COL25A1: variants seen among roughly 807,000 people sequenced by gnomAD.
The protein encoded by COL25A1 is collagen alpha-1(XXV) chain.
In COL25A1, 103 loss-of-function variants were observed where a neutral mutation model predicts 128.4. The ratio of observed to expected loss-of-function variants is 0.80; its 90% CI spans 0.68 to 0.94. The LOEUF (loss-of-function observed/expected upper bound fraction) is 0.94. Ranked by LOEUF, COL25A1 falls within the 40% of genes least tolerant of loss-of-function variation. The probability of loss-of-function intolerance (pLI) is 0.00; values close to 1 mark genes in which losing one functional copy is unlikely to be tolerated. For missense variants in COL25A1, 745 were observed against 840.0 expected (o/e 0.89, Z 1.40); for synonymous variants, 279 against 277.2 (o/e 1.01, Z -0.06).
chr4:108,852,221 T>C lies in COL25A1; in HGVS notation c.1389+15A>G, dbSNP rs1315805941. 2 of 1,600,210 alleles carry C rather than the reference T, an allele frequency of 1.2e-6. No individual in the cohort carries two copies. Among genetic ancestry groups the C allele is most frequent in the Non-Finnish European group, 1.7e-6 (2 of 1,170,390 alleles). The stretch of plus-strand genomic sequence containing the variant: ...ACTGTATGTGATAAATGGAAACAAG[T>C]AAATAAAGAATAACCTTTGGCCCTT... On this transcript the variant is annotated intron_variant, in intron 26 of 37. Coordinates refer to ENST00000399132, the MANE Select transcript of COL25A1 (RefSeq NM_198721.4).
At position 109,065,665 on chromosome 4, in the gene COL25A1, C is replaced by T. The variant is rs187489573; in HGVS notation, c.368-15486G>A. Among the ~76,000 whole-genome samples the T allele has an allele frequency of 3.3e-5, 5 of 151,256 alleles. No homozygotes were observed. In the East Asian group the frequency reaches 9.8e-4, roughly 30 times the overall value. On this transcript the variant is annotated intron_variant, in intron 3 of 37. Transcript: ENST00000399132. ...ACTTTTATTCCATTGGATGAAACAA[C>T]CAAAAATATCTAATATTAATTTAGA...
At chr4:109,030,649 C>T (rs758786526) in intron 5 of COL25A1, among the ~76,000 whole-genome samples, 6 of 152,142 alleles carry the variant, frequency 3.9e-5, no homozygotes, top group Non-Finnish European at 8.8e-5. Flanking sequence ...AGGTCAAAGG[C>T]CTGTGCAGTC....
intron 31 of COL25A1, chr4:108,838,003 C>T: frequency 2.3e-6 from 2 of 873,014 alleles, no homozygotes. Context: ...ACAGAAACCT[C>T]AACAGTACGA....
intron 11 of COL25A1, among the ~76,000 whole-genome samples, chr4:108,924,390 C>T (rs535761963): frequency 6.6e-6 from 1 of 152,202 alleles, no homozygotes; most frequent in South Asian, 2.1e-4. Flanking sequence ...CCGCTAGATT[C>T]CATATGTAAA....
intron 3 of COL25A1, among the ~76,000 whole-genome samples, chr4:109,284,387 T>C (rs968246663): frequency 6.6e-6 from 1 of 152,166 alleles, no homozygotes; most frequent in Non-Finnish European, 1.5e-5. Context: ...ATCGCACCAG[T>C]GTACTCTAGC....
intron 13 of COL25A1, among the ~76,000 whole-genome samples, chr4:108,907,164 G>A (rs1035149897): frequency 1.3e-5 from 2 of 152,180 alleles, no homozygotes; most frequent in African/African-American, 2.4e-5. Flanking sequence ...GGGGTGGAGT[G>A]AAGCGAGGCG....
intron 3 of COL25A1, among the ~76,000 whole-genome samples, chr4:109,081,258 C>T (rs1369918655): frequency 1.3e-5 from 2 of 152,048 alleles, no homozygotes; most frequent in Non-Finnish European, 2.9e-5. Context: ...CAGTTTTTTA[C>T]CTCATATCAA....
At chr4:108,879,360 T>C (rs184665059) in intron 19 of COL25A1, among the ~76,000 whole-genome samples, 1 of 149,930 alleles carries the variant, frequency 6.7e-6, no homozygotes, top group Admixed American at 6.8e-5. Flanking sequence ...TGTTTTTTAC[T>C]GTATTACACC....
chr4:109,144,531 G>C (rs1770748627), intron 3 of COL25A1, among the ~76,000 whole-genome samples: 1 of 152,228 alleles, frequency 6.6e-6, no homozygotes, highest in Non-Finnish European at 1.5e-5. Flanking sequence ...GTGCAAGGAA[G>C]ATGGGAGTTT....
At chr4:109,279,911 T>C (rs1024221975) in intron 3 of COL25A1, among the ~76,000 whole-genome samples, 2 of 152,148 alleles carry the variant, frequency 1.3e-5, no homozygotes, top group African/African-American at 2.4e-5. Flanking sequence ...GGTAGCAACA[T>C]GAACAGTCTG....
chr4:109,144,147 G>A (rs764389524), intron 3 of COL25A1, among the ~76,000 whole-genome samples: 6 of 152,090 alleles, frequency 3.9e-5, no homozygotes, highest in Non-Finnish European at 7.4e-5. Context: ...CTAACAGTCA[G>A]GCCCCTCTGC....
rs116390591 is a variant in COL25A1 at position 109,286,946 on chromosome 4, G to C, written c.367+13637C>G. Among the ~76,000 whole-genome samples, 1,059 of 152,254 alleles carry C rather than the reference G, an allele frequency of 7.0e-3. 14 individuals are homozygous for C. Among genetic ancestry groups the C allele is most frequent in the African/African-American group, 0.024 (990 of 41,532 alleles). On this transcript the variant is annotated intron_variant, in intron 3 of 37. Coordinates refer to ENST00000399132, the MANE Select transcript of COL25A1 (RefSeq NM_198721.4). ...CTGCCAGAAGGCATCTTGGGGAGGA[G>C]TTAAAAATGTGACAGTTGACCTAAC...
At chr4:108,932,533 A>G (rs182603951) in intron 11 of COL25A1, among the ~76,000 whole-genome samples, 1 of 152,336 alleles carries the variant, frequency 6.6e-6, no homozygotes, top group Admixed American at 6.5e-5. Context: ...TAGAAGATAA[A>G]TGAATACGTT....
intron 24 of COL25A1, among the ~76,000 whole-genome samples, chr4:108,853,229 T>C (rs555989464): frequency 6.6e-6 from 1 of 152,168 alleles, no homozygotes; most frequent in South Asian, 2.1e-4. Context: ...TAGAGGCTTG[T>C]CAGTATAATT....
intron 6 of COL25A1, among the ~76,000 whole-genome samples, chr4:108,982,387 C>T (rs1268967161): frequency 6.6e-6 from 1 of 152,138 alleles, no homozygotes; most frequent in Admixed American, 6.5e-5. Flanking sequence ...GTTTTAACCA[C>T]ATTACTTTTA....
At chr4:109,038,355 A>G (rs545932144) in intron 5 of COL25A1, among the ~76,000 whole-genome samples, 177 of 152,324 alleles carry the variant, frequency 1.2e-3, no homozygotes, top group Non-Finnish European at 2.2e-3. Context: ...AAGATTTAAC[A>G]TAGAAATCTT....
intron 36 of COL25A1, among the ~76,000 whole-genome samples, chr4:108,817,736 T>C (rs1392270519): frequency 6.6e-6 from 1 of 152,218 alleles, no homozygotes; most frequent in African/African-American, 2.4e-5. Flanking sequence ...TATTTTTAGA[T>C]AATAAATCTA....
At chr4:109,004,406 T>C (rs1007613679) in intron 6 of COL25A1, among the ~76,000 whole-genome samples, 1 of 84,150 alleles carries the variant, frequency 1.2e-5, no homozygotes, top group Non-Finnish European at 3.0e-5. Context: ...GTTTGTGTTT[T>C]TTTTTTTTAA....
At chr4:109,043,079 C>T (rs144020620) in intron 5 of COL25A1, among the ~76,000 whole-genome samples, 54 of 150,986 alleles carry the variant, frequency 3.6e-4, no homozygotes, top group African/African-American at 1.2e-3. Context: ...GCTAGATGTG[C>T]AACCTTGGGC....
Sources: gnomAD v4.1 joint callset for allele counts (sites outside exome capture counted in the v4.1 genomes callset) on GRCh38, gnomAD v4.1.1 for gene constraint, MANE v1.5 for transcripts, NCBI Gene and HGNC (gene_info 2026-07-23, HGNC 2026-07-21) for gene names.